Variants in ATG16L1 observed in about 807,000 individuals in gnomAD.
The protein encoded by ATG16L1 is autophagy related 16 like 1.
Under a neutral mutation model 88.5 loss-of-function variants are expected in ATG16L1, and 37 were observed. That is an observed-to-expected ratio of 0.42 (90% CI 0.32 to 0.55). ATG16L1 has a LOEUF of 0.55. Among genes scored for constraint, ATG16L1 ranks in the 20% least tolerant of loss-of-function variants. ATG16L1 has a pLI of 0.13. For synonymous variants in ATG16L1, 301 were observed against 281.0 expected (o/e 1.07, Z -0.71); for missense variants, 554 against 752.8 (o/e 0.74, Z 3.09).
intron 6 of ATG16L1, among the ~76,000 whole-genome samples, chr2:233,271,573 C>T (rs369118701): frequency 7.2e-5 from 11 of 152,372 alleles, no homozygotes; most frequent in African/African-American, 2.4e-4. Context: ...CCACCGAGCC[C>T]GGCCTAAGGC....
chr2:233,265,222 C>T, intron 5 of ATG16L1, 79 bp downstream of exon 5: 1 of 1,527,982 alleles, frequency 6.5e-7, no homozygotes, highest in South Asian at 1.3e-5. Context: ...AGAGATAAAC[C>T]TGGCAGTTAC....
chr2:233,290,380 G>A (rs750176609), intron 14 of ATG16L1, 27 bp downstream of exon 14: 2 of 1,562,886 alleles, frequency 1.3e-6, no homozygotes, highest in East Asian at 4.5e-5. Flanking sequence ...CCTGACTGGA[G>A]GCACATAAGA....
intron 8 of ATG16L1, chr2:233,274,339 C>G (rs950648071): frequency 6.4e-6 from 3 of 469,340 alleles, no homozygotes; most frequent in African/African-American, 5.8e-5. Context: ...GACCAAAGAG[C>G]TACCTCTGAG....
At chr2:233,263,900 T>C (rs770453824) in intron 3 of ATG16L1, 92 bp from the exon 4 acceptor site, 39 of 1,281,556 alleles carry the variant, frequency 3.0e-5, no homozygotes, top group Non-Finnish European at 4.1e-5. Flanking sequence ...GCTCATTTAT[T>C]CTTTCTTAAA....
At chr2:233,253,112 G>T (rs1696499664) in intron 1 of ATG16L1, among the ~76,000 whole-genome samples, 1 of 152,106 alleles carries the variant, frequency 6.6e-6, no homozygotes, top group Non-Finnish European at 1.5e-5. Context: ...ATTAAGCCTA[G>T]AACTGCATGC....
chr2:233,261,590 A>G (rs1697216415), intron 2 of ATG16L1, among the ~76,000 whole-genome samples: 2 of 152,150 alleles, frequency 1.3e-5, no homozygotes, highest in South Asian at 4.1e-4. Flanking sequence ...CTGCTATACT[A>G]CCACCTTTAT....
At chr2:233,268,408 G>A (rs1322883519) in intron 5 of ATG16L1, among the ~76,000 whole-genome samples, 4 of 152,208 alleles carry the variant, frequency 2.6e-5, no homozygotes, top group Admixed American at 6.5e-5. Flanking sequence ...GCAGTGAGCC[G>A]AGATGATGTC....
Position 233,274,797 on chromosome 2 carries a change from C to G in ATG16L1, c.954+19C>G, listed in dbSNP as rs757644018. 5.6e-5 allele frequency: 88 copies of G among 1,572,344 alleles called. No homozygotes were observed. The highest frequency in any genetic ancestry group is 3.7e-4 in the Admixed American group (22 of 59,900). On this transcript the variant is annotated intron_variant, in intron 9 of 17. Coordinates refer to ENST00000392017, the MANE Select transcript of ATG16L1 (RefSeq NM_030803.7). ...TGTCTTCGTAAGTATGCTTCAGCCC[C>G]GAACCCTACCACGCTTGATATGGTG... is the stretch of plus-strand genomic sequence containing the variant.
chr2:233,286,127 A>G (rs1253196425), intron 12 of ATG16L1, among the ~76,000 whole-genome samples: 1 of 152,058 alleles, frequency 6.6e-6, no homozygotes, highest in East Asian at 1.9e-4. Context: ...TTCTGTTTGG[A>G]ATGTTCCTCT....
At chr2:233,261,029 C>T (rs1329222577) in intron 2 of ATG16L1, among the ~76,000 whole-genome samples, 2 of 152,158 alleles carry the variant, frequency 1.3e-5, no homozygotes, top group East Asian at 3.9e-4. Context: ...AGTCTCAGCT[C>T]ACTGCAACCT....
chr2:233,261,091 G>A (rs963428399), intron 2 of ATG16L1, among the ~76,000 whole-genome samples: 2 of 152,136 alleles, frequency 1.3e-5, no homozygotes, highest in African/African-American at 4.8e-5. Flanking sequence ...GAATAGCTGG[G>A]ACTACAGGTG....
intron 11 of ATG16L1, 85 bp downstream of exon 11, chr2:233,281,260 G>A (rs1190168154): frequency 1.7e-5 from 18 of 1,049,124 alleles, no homozygotes; most frequent in East Asian, 5.2e-5. Flanking sequence ...TAACTTACCC[G>A]ATTTCTCTGC....
At chr2:233,261,481 A>T (rs146146107) in intron 2 of ATG16L1, among the ~76,000 whole-genome samples, 1 of 152,308 alleles carries the variant, frequency 6.6e-6, no homozygotes, top group African/African-American at 2.4e-5. Context: ...TCTTGGCATT[A>T]CTTCTTGGGT....
At chr2:233,294,191 T>G in intron 17 of ATG16L1, 66 bp from the exon 18 acceptor site, 1 of 1,309,388 alleles carries the variant, frequency 7.6e-7, no homozygotes, top group Non-Finnish European at 1.0e-6. Context: ...CTTCTGGTGT[T>G]TGGTTTACCA....
rs1486935233 is a variant in ATG16L1 at position 233,289,903 on chromosome 2, T to C, written c.1253T>C (p.Leu418Pro). The change falls in exon 13 of 18, where the codon CTG (leucine) becomes CCG (proline). Residue 418 changes from leucine (L) to proline (P), a missense_variant. By Grantham distance (98) the Leu-to-Pro change is moderately conservative (BLOSUM62 -3). Coordinates refer to ENST00000392017, the MANE Select transcript of ATG16L1 (RefSeq NM_030803.7). ...SGKVLSAKFL[L>P]DNARIVSGSH... ...AAAGTGCTGTCTGCTAAGTTCCTGC[T>C]GGACAATGCGCGGATTGTCTCAGGA... The C allele has an allele frequency of 1.2e-6, 2 of 1,614,238 alleles. No homozygotes were observed. Among genetic ancestry groups the C allele is most frequent in the Non-Finnish European group, 1.7e-6 (2 of 1,180,042 alleles).
At chr2:233,279,131 TC>T (rs1205447382) in intron 10 of ATG16L1, among the ~76,000 whole-genome samples, 2 of 152,192 alleles carry the variant, frequency 1.3e-5, no homozygotes, top group Non-Finnish European at 2.9e-5. Context: ...TGAGCTCTGA[TC>T]GCATCACTGC....
chr2:233,274,062 T>C (rs1459574258), intron 8 of ATG16L1: 4 of 1,546,370 alleles, frequency 2.6e-6, no homozygotes, highest in Non-Finnish European at 3.5e-6. Context: ...TATCCTCTCT[T>C]AGTCCAGCAT....
rs10676895 is a variant in ATG16L1 at position 233,286,621 on chromosome 2, CTTTTTTT to C, written c.1204-3217_1204-3211del. The stretch of plus-strand genomic sequence containing the variant: ...AGAATAAGGTGAGCAGAAGCCCAAA[CTTTTTTT>C]TTTTTTTTTTTTTTTGAGACAGTGT... On this transcript the variant is annotated intron_variant, in intron 12 of 17. Coordinates refer to ENST00000392017, the MANE Select transcript of ATG16L1 (RefSeq NM_030803.7). 1.1e-3 allele frequency among the ~76,000 whole-genome samples: 100 copies of C among 93,292 alleles called. 1 individual carries two copies. Among genetic ancestry groups the C allele is most frequent in the South Asian group, 3.5e-3 (8 of 2,302 alleles). The allele number at this position is 93,292 out of a possible 152,430, so 61.2% of individuals were successfully genotyped here.
At chr2:233,258,016 AATATC>A (rs1559377455) in intron 2 of ATG16L1, among the ~76,000 whole-genome samples, 1,703 of 51,968 alleles carry the variant, frequency 0.033, 26 homozygotes, top group Middle Eastern at 0.056. Context: ...AAAAAAAAAA[AATATC>A]TATATATCTA....
Sources: gnomAD v4.1 joint callset for allele counts (sites outside exome capture counted in the v4.1 genomes callset) on GRCh38, gnomAD v4.1.1 for gene constraint, MANE v1.5 for transcripts, NCBI Gene and HGNC (gene_info 2026-07-23, HGNC 2026-07-21) for gene names.